TMEM87A: variants seen among roughly 807,000 people sequenced by gnomAD.
The protein encoded by TMEM87A is Golgi-pH regulating cation channel.
TMEM87A carries 50 observed loss-of-function variants against 90.0 expected under a neutral mutation model. The ratio of observed to expected loss-of-function variants is 0.56; its 90% CI spans 0.44 to 0.70. The LOEUF (loss-of-function observed/expected upper bound fraction) is 0.70. TMEM87A is among the 30% of genes least tolerant of loss of function. TMEM87A has a pLI of 0.00. For missense variants in TMEM87A, 577 were observed against 660.5 expected (o/e 0.87, Z 1.39); for synonymous variants, 226 against 226.7 (o/e 1.00, Z 0.03).
chr15:42,272,250 T>G, intron 1 of TMEM87A, 127 bp from the exon 2 acceptor site: 1 of 573,342 alleles, frequency 1.7e-6, no homozygotes, highest in Non-Finnish European at 3.0e-6. Flanking sequence ...CCTTAATCAG[T>G]TCATTCCCTT....
intron 3 of TMEM87A, among the ~76,000 whole-genome samples, chr15:42,265,930 G>A (rs1245696556): frequency 6.6e-6 from 1 of 152,100 alleles, no homozygotes. Context: ...TCTGCATATG[G>A]CCAGCACGCT....
intron 6 of TMEM87A, chr15:42,259,130 T>C: frequency 1.6e-6 from 1 of 629,272 alleles, no homozygotes; most frequent in East Asian, 2.7e-5. Flanking sequence ...GCAAAGGGGG[T>C]AGGGGAAGCA....
At chr15:42,244,212 A>G (rs1307275238) in intron 6 of TMEM87A, 45 bp from the exon 7 acceptor site, 4 of 1,344,314 alleles carry the variant, frequency 3.0e-6, no homozygotes, top group Non-Finnish European at 4.1e-6. Flanking sequence ...TTAAGAATTA[A>G]GAGCACAAAT....
intron 15 of TMEM87A, among the ~76,000 whole-genome samples, chr15:42,222,806 C>T (rs1037558981): frequency 6.6e-6 from 1 of 151,862 alleles, no homozygotes; most frequent in Non-Finnish European, 1.5e-5. Flanking sequence ...GTTGTCCACC[C>T]GCCTCAGCCT....
intron 4 of TMEM87A, among the ~76,000 whole-genome samples, chr15:42,261,959 G>A (rs2065132431): frequency 6.6e-6 from 1 of 152,136 alleles, no homozygotes; most frequent in Admixed American, 6.5e-5. Flanking sequence ...TGATGCTTAG[G>A]TCTGCTGTCC....
intron 15 of TMEM87A, among the ~76,000 whole-genome samples, chr15:42,222,045 A>G (rs2050496513): frequency 6.6e-6 from 1 of 152,068 alleles, no homozygotes; most frequent in South Asian, 2.1e-4. Context: ...GTGAGCCATC[A>G]CGCCTGGCCA....
chr15:42,264,699 A>ATATTTTT (rs10681614), intron 3 of TMEM87A, among the ~76,000 whole-genome samples: 1,692 of 109,424 alleles, frequency 0.015, 43 homozygotes, highest in African/African-American at 0.049. Context: ...ATATATATAT[A>ATATTTTT]TTTTTTTTTT....
At chr15:42,232,038 T>C in intron 11 of TMEM87A, 3 of 355,534 alleles carry the variant, frequency 8.4e-6, no homozygotes, top group Non-Finnish European at 1.3e-5. Flanking sequence ...ACAAAGTGTT[T>C]GATTTAAGAG....
rs920458037 is a variant in TMEM87A, at chr15:42,231,103, T to C, written c.1131+89A>G. ...CACACTAAGGAGTAATTAACAAAAC[T>C]GATAAAAACTCTTTGCAGAAAGATC... On this transcript the variant is annotated intron_variant, in intron 12 of 19. Coordinates refer to ENST00000389834, the MANE Select transcript of TMEM87A (RefSeq NM_015497.5). The C allele has an allele frequency of 3.1e-6, 4 of 1,277,680 alleles. No individual in the cohort carries two copies. The African/African-American group carries it at 6.2e-5, about 20-fold the overall frequency. The allele number at this position is 1,277,680 out of a possible 1,614,324, so 79.1% of individuals were successfully genotyped here. A position where few individuals can be genotyped will look rare whatever the true frequency, so the allele number is the denominator to read the frequency against.
intron 6 of TMEM87A, among the ~76,000 whole-genome samples, chr15:42,250,633 T>C (rs1031375394): frequency 6.6e-6 from 1 of 152,250 alleles, no homozygotes; most frequent in Non-Finnish European, 1.5e-5. Flanking sequence ...CTTCCCTTTG[T>C]GGGTAACCCG....
At chr15:42,226,546 C>T in intron 15 of TMEM87A, 2 of 397,100 alleles carry the variant, frequency 5.0e-6, no homozygotes, top group South Asian at 5.4e-5. Context: ...AATGTCAGAG[C>T]TGAAAGGAAC....
intron 6 of TMEM87A, among the ~76,000 whole-genome samples, chr15:42,246,449 C>A (rs2050973944): frequency 6.6e-6 from 1 of 152,092 alleles, no homozygotes; most frequent in South Asian, 2.1e-4. Flanking sequence ...TCACCCAGCC[C>A]CCGACCCGAC....
At chr15:42,236,835 T>G (rs1225364404) in intron 9 of TMEM87A, among the ~76,000 whole-genome samples, 1 of 152,228 alleles carries the variant, frequency 6.6e-6, no homozygotes, top group East Asian at 1.9e-4. Flanking sequence ...TCTACTATTT[T>G]CAAGACCTTT....
intron 2 of TMEM87A, among the ~76,000 whole-genome samples, chr15:42,268,866 T>C (rs565714782): frequency 1.3e-5 from 2 of 152,266 alleles, no homozygotes; most frequent in African/African-American, 4.8e-5. Context: ...TGGTGTTAAA[T>C]GATGATATAC....
intron 15 of TMEM87A, among the ~76,000 whole-genome samples, chr15:42,224,856 G>C (rs1419721478): frequency 6.6e-6 from 1 of 152,064 alleles, no homozygotes; most frequent in Non-Finnish European, 1.5e-5. Flanking sequence ...AGTTAACACT[G>C]AAGTCACAGA....
rs115211900 is a variant in TMEM87A, at chr15:42,227,469, C to G, written c.1299+242G>C. 6.4e-3 allele frequency: 2,604 copies of G among 407,132 alleles called. 55 individuals are homozygous for G. Among genetic ancestry groups the G allele is most frequent in the African/African-American group, 0.049 (2,419 of 49,246 alleles). 25.2% of individuals were successfully genotyped at this position (407,132 alleles called of 1,614,324 possible). A position where few individuals can be genotyped will look rare whatever the true frequency, so the allele number is the denominator to read the frequency against. ...GGGTTATAGCACACTGTAGTTATAA[C>G]TTACAAAATTCTCTCCCAAAACTGG... On this transcript the variant is annotated intron_variant, in intron 14 of 19. Transcript: ENST00000389834.
intron 15 of TMEM87A, 56 bp from the exon 16 acceptor site, chr15:42,220,191 T>A (rs1341149314): frequency 1.5e-6 from 2 of 1,320,044 alleles, no homozygotes; most frequent in East Asian, 2.3e-5. Context: ...AAAACTGCTA[T>A]ACCAGTTGCA....
At chr15:42,256,956 G>C (rs996371900) in intron 6 of TMEM87A, among the ~76,000 whole-genome samples, 2 of 152,126 alleles carry the variant, frequency 1.3e-5, no homozygotes, top group Non-Finnish European at 2.9e-5. Context: ...AAGCTCTAGC[G>C]ATCTGCCTGC....
At chr15:42,223,754 G>C in intron 15 of TMEM87A, among the ~76,000 whole-genome samples, 1 of 152,038 alleles carries the variant, frequency 6.6e-6, no homozygotes, top group Admixed American at 6.6e-5. Flanking sequence ...TGATCAATAA[G>C]CCAATAAAAA....
Sources: allele counts gnomAD v4.1 joint callset (sites outside exome capture counted in the v4.1 genomes callset), GRCh38; gene constraint gnomAD v4.1.1; transcripts MANE v1.5; gene names NCBI Gene and HGNC (gene_info 2026-07-23, HGNC 2026-07-21).